The following PCTP variants were observed in gnomAD, a reference collection of about 807,000 sequenced individuals.
The protein encoded by PCTP is START domain-containing protein 2.
In PCTP, 27 loss-of-function variants were observed where a neutral mutation model predicts 31.0. The observed-to-expected ratio is 0.87, with a 90% CI of 0.64 to 1.20. The LOEUF is 1.20. Among genes scored for constraint, PCTP ranks in the 50% most tolerant of loss-of-function variants. The probability of loss-of-function intolerance (pLI) is 0.00; values close to 1 mark genes in which losing one functional copy is unlikely to be tolerated. For missense variants in PCTP, 287 were observed against 268.2 expected, an observed-to-expected ratio of 1.07 and a Z score of -0.49; for synonymous variants, 108 against 101.2, an observed-to-expected ratio of 1.07 and a Z score of -0.40.
At position 55,776,833 on chromosome 17, in the gene PCTP, C is replaced by T. The variant is rs987154388; in HGVS notation, c.*733C>T. On this transcript the variant is annotated 3_prime_UTR_variant, in exon 6 of 6. Transcript: ENST00000268896. ...TGAGGAAATGGATGATTTCTCTTTT[C>T]CATATGTCACTGGGGGAAAGGCTGC... 9 of 1,015,312 alleles carry T rather than the reference C, an allele frequency of 8.9e-6. No homozygotes were observed. Among genetic ancestry groups the T allele is most frequent in the Non-Finnish European group, 1.1e-5 (9 of 850,278 alleles). 62.9% of individuals were successfully genotyped at this position (1,015,312 alleles called of 1,614,324 possible). A position where few individuals can be genotyped will look rare whatever the true frequency, so the allele number is the denominator to read the frequency against.
chr17:55,788,945 G>A (rs969013040), intron 3 of PCTP, among the ~76,000 whole-genome samples: 1 of 152,116 alleles, frequency 6.6e-6, no homozygotes, highest in East Asian at 1.9e-4. Flanking sequence ...TTGTGACATA[G>A]TAGAAAGAAT....
At chr17:55,790,892 T>A (rs1911940591) in intron 3 of PCTP, among the ~76,000 whole-genome samples, 1 of 150,610 alleles carries the variant, frequency 6.6e-6, no homozygotes, top group Non-Finnish European at 1.5e-5. Context: ...TCACGCTACC[T>A]GACTTCAAAC....
chr17:55,843,641 C>T (rs553248066), downstream of PCTP, among the ~76,000 whole-genome samples: 1 of 152,242 alleles, frequency 6.6e-6, no homozygotes, highest in South Asian at 2.1e-4. Context: ...GATCTGAGTC[C>T]CATAAGACCC....
intron 3 of PCTP, among the ~76,000 whole-genome samples, chr17:55,794,310 T>TTA (rs1912109807): frequency 6.9e-6 from 1 of 144,984 alleles, no homozygotes; most frequent in African/African-American, 2.6e-5. Flanking sequence ...TCTTCTTCTT[T>TTA]TTTTTTAAGT....
chr17:55,845,671 CAG>C (rs1212200489), downstream of PCTP, among the ~76,000 whole-genome samples: 1 of 152,174 alleles, frequency 6.6e-6, no homozygotes, highest in African/African-American at 2.4e-5. Context: ...AGAGGCCTGT[CAG>C]CATTTCAGCT....
chr17:55,783,358 G>T (rs1226038901), intron 2 of PCTP, among the ~76,000 whole-genome samples: 3 of 152,116 alleles, frequency 2.0e-5, no homozygotes, highest in Non-Finnish European at 4.4e-5. Context: ...TCATTTGCAG[G>T]CCAGAATCCT....
chr17:55,810,173 C>G (rs1354484788), intron 3 of PCTP, among the ~76,000 whole-genome samples: 1 of 152,142 alleles, frequency 6.6e-6, no homozygotes, highest in Non-Finnish European at 1.5e-5. Flanking sequence ...GCATGCACCA[C>G]TATGTTGGCT....
intron 5 of PCTP, 24 bp downstream of exon 5, chr17:55,774,883 G>C (rs1271916797): frequency 5.0e-6 from 3 of 598,566 alleles, no homozygotes; most frequent in East Asian, 4.7e-5. Flanking sequence ...AGGTGGGGCG[G>C]GGGGAGGGAT....
At chr17:55,775,296 CT>C (rs1197742101) in intron 5 of PCTP, 1 of 1,208,980 alleles carries the variant, frequency 8.3e-7, no homozygotes, top group Non-Finnish European at 1.0e-6. Flanking sequence ...TTTTTTTTTT[CT>C]TTTTCTCTAT....
chr17:55,786,424 C>A (rs931240107), intron 2 of PCTP, among the ~76,000 whole-genome samples: 4 of 152,134 alleles, frequency 2.6e-5, no homozygotes, highest in Non-Finnish European at 5.9e-5. Flanking sequence ...GGGTGCAGCA[C>A]ACCAACATGG....
chr17:55,765,803 A>T (rs929409440), intron 1 of PCTP, among the ~76,000 whole-genome samples: 1 of 152,212 alleles, frequency 6.6e-6, no homozygotes, highest in Non-Finnish European at 1.5e-5. Context: ...CTTGGGGTCC[A>T]GCCCTGACAA....
At chr17:55,833,822 C>G (rs1905687156) in intron 5 of PCTP, among the ~76,000 whole-genome samples, 1 of 152,050 alleles carries the variant, frequency 6.6e-6, no homozygotes, top group Admixed American at 6.6e-5. Flanking sequence ...TTTTGCCGTT[C>G]CTTAGTTTCA....
chr17:55,793,543 A>G (rs1054560670), intron 3 of PCTP, among the ~76,000 whole-genome samples: 7 of 151,424 alleles, frequency 4.6e-5, no homozygotes, highest in African/African-American at 1.7e-4. Context: ...TCCTACTACA[A>G]CTCTTACTAA....
At position 55,763,925 on chromosome 17, in the gene PCTP, C is replaced by T. The variant is rs757493965; in HGVS notation, c.142-3410C>T. ...ATTGATGAAGTAGGAAAGGTGTTGC[C>T]GTGTTATGGAGCATTTGGTTCCTCT... is the stretch of plus-strand genomic sequence containing the variant. On this transcript the variant is annotated intron_variant, in intron 1 of 5. Transcript: ENST00000268896. Among the ~76,000 whole-genome samples the T allele has an allele frequency of 3.3e-5, 5 of 152,130 alleles. No homozygotes were observed. In the East Asian group the frequency reaches 7.7e-4, roughly 23 times the overall value.
intron 1 of PCTP, among the ~76,000 whole-genome samples, chr17:55,754,900 C>CT (rs1909926750): frequency 1.3e-5 from 2 of 152,028 alleles, no homozygotes; most frequent in South Asian, 2.1e-4. Context: ...TGTGTATACT[C>CT]TATGTCCAAT....
At position 55,751,259 on chromosome 17, in the gene PCTP, G is replaced by C; in HGVS notation, c.141+15G>C. On this transcript the variant is annotated intron_variant, in intron 1 of 5. Transcript: ENST00000268896. The stretch of plus-strand genomic sequence containing the variant: ...TGCTGGACAAGGTAGCGGCCAACCC[G>C]CTGGAGGACCGCGGGGCCTAGAATG... 4.6e-6 allele frequency: 7 copies of C among 1,530,382 alleles called. No individual in the cohort carries two copies. The highest frequency in any genetic ancestry group is 6.2e-6 in the Non-Finnish European group (7 of 1,137,772). The allele number at this position is 1,530,382 out of a possible 1,614,324, so 94.8% of individuals were successfully genotyped here.
chr17:55,800,386 G>A (rs1476221968), intron 3 of PCTP, among the ~76,000 whole-genome samples: 1 of 151,744 alleles, frequency 6.6e-6, no homozygotes, highest in African/African-American at 2.4e-5. Flanking sequence ...ACTTGTGTGT[G>A]CTTCATGGAG....
At chr17:55,790,694 A>G (rs1196319187) in intron 3 of PCTP, among the ~76,000 whole-genome samples, 1 of 151,642 alleles carries the variant, frequency 6.6e-6, no homozygotes, top group Non-Finnish European at 1.5e-5. Context: ...GCACATGGGT[A>G]GGAAGAATCA....
Position 55,776,460 on chromosome 17 carries a change from T to C in PCTP, c.*360T>C, listed in dbSNP as rs1383739163. The C allele has an allele frequency of 3.2e-6, 4 of 1,232,248 alleles. No homozygotes were observed. Among genetic ancestry groups the C allele is most frequent in the Admixed American group, 4.2e-5 (1 of 23,730 alleles). The allele number at this position is 1,232,248 out of a possible 1,614,324, so 76.3% of individuals were successfully genotyped here. A position where few individuals can be genotyped will look rare whatever the true frequency, so the allele number is the denominator to read the frequency against. On this transcript the variant is annotated 3_prime_UTR_variant, in exon 6 of 6. Transcript: ENST00000268896. ...ACACGATCATTCCATTGTGCAATTT[T>C]ACGGGGATGGGTGGGCGGAGGGACA...
Sources: gnomAD v4.1 joint callset for allele counts (sites outside exome capture counted in the v4.1 genomes callset) on GRCh38, gnomAD v4.1.1 for gene constraint, MANE v1.5 for transcripts, NCBI Gene and HGNC (gene_info 2026-07-23, HGNC 2026-07-21) for gene names.